CCDC40: variants seen among roughly 807,000 people sequenced by gnomAD.
CCDC40 encodes the protein coiled-coil domain-containing protein 40.
A neutral mutation model predicts 124.5 loss-of-function variants in CCDC40; 104 were observed. The ratio of observed to expected loss-of-function variants is 0.84; its 90% CI spans 0.71 to 0.98. The LOEUF is 0.98. Ranked by LOEUF, CCDC40 falls within the 50% of genes least tolerant of loss-of-function variation. The pLI is 0.00. For synonymous variants in CCDC40, 580 were observed against 602.9 expected, an observed-to-expected ratio of 0.96 and a Z score of 0.56; for missense variants, 1,463 against 1,503.9, an observed-to-expected ratio of 0.97 and a Z score of 0.45.
intron 4 of CCDC40, among the ~76,000 whole-genome samples, chr17:80,047,945 C>A (rs1472859899): frequency 1.3e-5 from 2 of 152,168 alleles, no homozygotes; most frequent in African/African-American, 4.8e-5. Context: ...TCATTACTTG[C>A]AAATGACATG....
chr17:80,099,711 A>C lies in CCDC40; in HGVS notation c.3365A>C (p.Gln1122Pro), dbSNP rs778612110. 60 of 1,613,672 alleles carry C rather than the reference A, an allele frequency of 3.7e-5. No homozygotes were observed. Among genetic ancestry groups the C allele is most frequent in the Non-Finnish European group, 4.6e-5 (54 of 1,180,004 alleles). Residue 1122 changes from glutamine (Q) to proline (P), a missense_variant, in exon 20 of 20, where the codon CAG becomes CCG. Transcript: ENST00000397545. ...DRVRDEYPQF[Q>P]EALHKVSQMI... ...GTGCGGGACGAGTACCCCCAGTTCC[A>C]GGAGGCCCTGCACAAGGTCAGCCAG...
rs1379051584 is a variant in CCDC40, at chr17:80,087,795, A to G, written c.2619+19A>G. 7 of 1,612,932 alleles carry G rather than the reference A, an allele frequency of 4.3e-6. No individual in the cohort carries two copies. Among genetic ancestry groups the G allele is most frequent in the Admixed American group, 1.7e-5 (1 of 60,016 alleles). Reference sequence around the variant, plus strand: ...GCTGAAGGTCCGGCCGTGTCCACGCAGTCCCGGGGCTCAGGACGATGGAGG... The same window carrying G: ...GCTGAAGGTCCGGCCGTGTCCACGCGGTCCCGGGGCTCAGGACGATGGAGG... On this transcript the variant is annotated intron_variant, in intron 15 of 19. Coordinates refer to ENST00000397545, the MANE Select transcript of CCDC40 (RefSeq NM_017950.4). The surrounding 1 kb of genome is among the most constrained non-coding windows in gnomAD (Gnocchi z 4.5).
intron 16 of CCDC40, 99 bp from the exon 17 acceptor site, chr17:80,089,665 A>G: frequency 7.0e-7 from 1 of 1,422,726 alleles, no homozygotes; most frequent in South Asian, 1.2e-5. Context: ...TGGCTCTGCC[A>G]TTGCAGCTTG....
chr17:80,080,418 T>G (rs1482480112), intron 10 of CCDC40, among the ~76,000 whole-genome samples: 1 of 152,164 alleles, frequency 6.6e-6, no homozygotes, highest in Non-Finnish European at 1.5e-5. Flanking sequence ...GAATCAGTAT[T>G]TTAGATCTGA....
chr17:80,049,455 C>T (rs898344806), intron 5 of CCDC40, among the ~76,000 whole-genome samples: 8 of 150,788 alleles, frequency 5.3e-5, no homozygotes, highest in Non-Finnish European at 7.4e-5. Flanking sequence ...CAAATGTTGG[C>T]GGTGTGGGGC....
At chr17:80,067,731 G>T (rs1384378843) in intron 10 of CCDC40, 71 of 1,519,274 alleles carry the variant, frequency 4.7e-5, no homozygotes, top group Non-Finnish European at 6.3e-5. Context: ...TATCAAGCCC[G>T]GAATGTCTGG....
chr17:80,054,983 A>T (rs12600892), intron 7 of CCDC40, among the ~76,000 whole-genome samples: 19,074 of 152,044 alleles, frequency 0.13, 1,360 homozygotes, highest in East Asian at 0.25. Flanking sequence ...TCAAAAAAAA[A>T]AAATAAATAA....
chr17:80,043,234 G>A (rs1414635923), intron 3 of CCDC40, among the ~76,000 whole-genome samples: 14 of 152,092 alleles, frequency 9.2e-5, no homozygotes, highest in Non-Finnish European at 1.5e-5. Context: ...TTCTTTGAGG[G>A]CTTTCTTGCT....
At chr17:80,039,236 A>G (rs1205872241) in intron 2 of CCDC40, among the ~76,000 whole-genome samples, 5 of 151,336 alleles carry the variant, frequency 3.3e-5, no homozygotes, top group African/African-American at 9.7e-5. Context: ...GCATGGTGGT[A>G]CACACCTGTA....
At chr17:80,054,118 A>T (rs2037677191) in intron 7 of CCDC40, among the ~76,000 whole-genome samples, 1 of 150,092 alleles carries the variant, frequency 6.7e-6, no homozygotes, top group Non-Finnish European at 1.5e-5. Context: ...GAAGCTGATG[A>T]AATAAATAAA....
chr17:80,095,460 CA>C lies in CCDC40; in HGVS notation c.3021+10del. ...TCAGGGACGTTCGCAAGGTAGGGAG[CA>C]GCGGAAAGGAAACAGGGCGCCTGCT... On this transcript the variant is annotated intron_variant, in intron 18 of 19. Transcript: ENST00000397545. The C allele has an allele frequency of 1.9e-6, 3 of 1,613,704 alleles. No homozygotes were observed. The highest frequency in any genetic ancestry group is 2.5e-6 in the Non-Finnish European group (3 of 1,179,678).
In CCDC40 at chr17:80,067,865, AATAG is replaced by A. The variant is rs2038088695; in HGVS notation, c.1562+2263_1562+2266del. ...CTGTGCCAATCCGATTGATGAAGAA[AATAG>A]ATAATCTTGTTTTATAAAACGTGCA... On this transcript the variant is annotated intron_variant, in intron 10 of 19. Transcript: ENST00000397545. 1.3e-5 allele frequency: 18 copies of A among 1,393,594 alleles called. 1 individual carries two copies. The South Asian group carries it at 3.0e-4, about 23-fold the overall frequency. 86.3% of individuals were successfully genotyped at this position (1,393,594 alleles called of 1,614,324 possible). A position where few individuals can be genotyped will look rare whatever the true frequency, so the allele number is the denominator to read the frequency against.
chr17:80,044,253 C>T (rs986598866), intron 3 of CCDC40, among the ~76,000 whole-genome samples: 1 of 152,180 alleles, frequency 6.6e-6, no homozygotes, highest in African/African-American at 2.4e-5. Flanking sequence ...TACTCCCCTA[C>T]CCTGGGAAAC....
chr17:80,076,432 G>C (rs1342294333), intron 10 of CCDC40, among the ~76,000 whole-genome samples: 1 of 152,074 alleles, frequency 6.6e-6, no homozygotes, highest in African/African-American at 2.4e-5. Context: ...AAATTAGCCA[G>C]GTGTGGTGGT....
At chr17:80,093,398 G>T (rs2038753691) in intron 17 of CCDC40, among the ~76,000 whole-genome samples, 1 of 152,092 alleles carries the variant, frequency 6.6e-6, no homozygotes, top group Non-Finnish European at 1.5e-5. Flanking sequence ...GGCCAGGCTG[G>T]CCTTGAACTC....
At chr17:80,083,221 G>A (rs575153066) in intron 12 of CCDC40, among the ~76,000 whole-genome samples, 3 of 152,094 alleles carry the variant, frequency 2.0e-5, no homozygotes, top group South Asian at 4.2e-4. Flanking sequence ...AGTTGGGGAG[G>A]GGGGAGGCAG....
chr17:80,071,222 G>A (rs1044596129), intron 10 of CCDC40, among the ~76,000 whole-genome samples: 2 of 152,218 alleles, frequency 1.3e-5, no homozygotes, highest in Non-Finnish European at 2.9e-5. Context: ...AAAAGCACCC[G>A]TGCTCTTACC....
rs2289527 is a variant in CCDC40, at chr17:80,039,925, G to C, written c.207G>C (p.Val69=). 1,584,480 of 1,613,522 alleles carry C rather than the reference G, an allele frequency of 0.98. 778,623 individuals carry two copies. The highest frequency in any genetic ancestry group is 0.99 in the African/African-American group (74,418 of 74,880). ...AAGCTGCAATTGAAGAGGGGGAGGT[G>C]GAGACAGAAGGGGAAGCAGCAGTGG... The part of the protein sequence containing the change: ...QAEAAIEEGE[V]ETEGEAAVEG... Residue 69 remains valine, a synonymous_variant, in exon 3 of 20, where the codon GTG becomes GTC. Transcript: ENST00000397545.
chr17:80,055,208 G>C (rs2037707080), intron 7 of CCDC40, among the ~76,000 whole-genome samples: 1 of 152,088 alleles, frequency 6.6e-6, no homozygotes, highest in Non-Finnish European at 1.5e-5. Flanking sequence ...AGTTACCCCA[G>C]ACTGTTTTGG....
Sources: allele counts gnomAD v4.1 joint callset (sites outside exome capture counted in the v4.1 genomes callset), GRCh38; gene constraint gnomAD v4.1.1; non-coding constraint Gnocchi (gnomAD v3.1); transcripts MANE v1.5; gene names NCBI Gene and HGNC (gene_info 2026-07-23, HGNC 2026-07-21).